Variants in EIF4G1 observed in about 807,000 individuals in gnomAD.
EIF4G1 encodes the protein EIF4-gamma.
In EIF4G1, 4 loss-of-function variants were observed where a neutral mutation model predicts 187.8. The ratio of observed to expected loss-of-function variants is 0.02; its 90% CI spans 0.01 to 0.05. EIF4G1 has a LOEUF of 0.05. EIF4G1 is among the 10% of genes least tolerant of loss of function. The pLI, the probability that EIF4G1 is intolerant of heterozygous loss-of-function variation, is 1.00. For missense variants in EIF4G1, 1,647 were observed against 2,081.1 expected, an observed-to-expected ratio of 0.79 and a Z score of 4.06; for synonymous variants, 844 against 781.4, an observed-to-expected ratio of 1.08 and a Z score of -1.34.
rs1415918083 is a variant in EIF4G1, at chr3:184,317,346, C to T, written c.173C>T (p.Pro58Leu). ...CACTTCTACCCTAGCCGGGCCCAGC[C>T]CCCGAGCAGTGCAGCCTCCCGAGTG... Reference protein sequence around the residue: ...RQHFYPSRAQPPSSAASRVQS... With the variant: ...RQHFYPSRAQLPSSAASRVQS... The change falls in exon 5 of 33, where the codon CCC becomes CTC. Residue 58 changes from proline to leucine, a missense_variant. Around this residue, in one of 11 missense-constraint regions of EIF4G1, gnomAD observed 139 missense variants for 187.3 expected, o/e 0.74. Transcript: ENST00000346169. The T allele has an allele frequency of 6.2e-7, 1 of 1,614,108 alleles. No homozygotes were observed. The highest frequency in any genetic ancestry group is 8.5e-7 in the Non-Finnish European group (1 of 1,180,024).
Position 184,327,693 on chromosome 3 carries a change from A to G in EIF4G1, c.3769A>G (p.Asn1257Asp), listed in dbSNP as rs1035168505. The G allele has an allele frequency of 5.6e-6, 9 of 1,605,480 alleles. No individual in the cohort carries two copies. The highest frequency in any genetic ancestry group is 7.7e-6 in the Non-Finnish European group (9 of 1,172,274). The change falls in exon 25 of 33, where the codon AAT becomes GAT. Residue 1257 changes from asparagine to aspartate, a missense_variant. By Grantham distance (23) the Asn-to-Asp change is conservative. Coordinates refer to ENST00000346169, the MANE Select transcript of EIF4G1 (RefSeq NM_198241.3). ...KAIIEEYLHL[N>D]DMKEAVQCVQ... ...TATCATTGAGGAATATCTCCATCTC[A>G]ATGACATGAAAGTAGGCAGTGGGAG...
At chr3:184,319,625 A>G (rs1368171173) in intron 6 of EIF4G1, 64 bp from the exon 7 acceptor site, 1 of 1,082,670 alleles carries the variant, frequency 9.2e-7, no homozygotes, top group Non-Finnish European at 1.4e-6. Context: ...GGTGTCAGGC[A>G]GGCATTAGTA....
chr3:184,325,743 C>A lies in EIF4G1; in HGVS notation c.3121+104C>A. ...GTGCCACGTGTCTGGGCCACTGAGA[C>A]ACCATGATGGAACTGAGGATCTGAG... On this transcript the variant is annotated intron_variant, in intron 20 of 32. Coordinates refer to ENST00000346169, the MANE Select transcript of EIF4G1 (RefSeq NM_198241.3). This position sits in a 1 kb window ranked among gnomAD's most constrained non-coding sequence, Gnocchi z 5.2. 1 of 1,609,870 alleles carries A rather than the reference C, an allele frequency of 6.2e-7. No individual in the cohort carries two copies. Among genetic ancestry groups the A allele is most frequent in the Non-Finnish European group, 8.5e-7 (1 of 1,176,290 alleles).
intron 7 of EIF4G1, chr3:184,320,342 T>G: frequency 1.5e-6 from 2 of 1,339,736 alleles, no homozygotes; most frequent in Non-Finnish European, 1.9e-6. Flanking sequence ...CCCCAGGGTG[T>G]GCAGCCACTG....
In EIF4G1 at chr3:184,328,717, T is replaced by G. The variant is rs1398957369; in HGVS notation, c.4040T>G (p.Ile1347Ser). ...WLYLAELVTP[I>S]LQEGGVPMGE... The stretch of plus-strand genomic sequence containing the variant: ...TACCTAGCGGAACTGGTAACACCCA[T>G]TCTGCAGGAAGGTGGGGTGCCCATG... Residue 1347 changes from isoleucine (I) to serine (S), a missense_variant, in exon 27 of 33, where the codon ATT becomes AGT. Ile to Ser is a moderately radical substitution (Grantham distance 142). This residue lies in a region of EIF4G1 where 543 missense variants were observed against 638.0 expected (regional missense o/e 0.85). Transcript: ENST00000346169. 3 of 1,614,028 alleles carry G rather than the reference T, an allele frequency of 1.9e-6. No homozygotes were observed. Among genetic ancestry groups the G allele is most frequent in the Non-Finnish European group, 2.5e-6 (3 of 1,180,018 alleles).
At chr3:184,333,298 A>T (rs900374533) in intron 32 of EIF4G1, among the ~76,000 whole-genome samples, 1 of 152,160 alleles carries the variant, frequency 6.6e-6, no homozygotes, top group Non-Finnish European at 1.5e-5. Flanking sequence ...GGGAATCGAG[A>T]TGTCAGCTCA....
chr3:184,332,382 C>T lies in EIF4G1; in HGVS notation c.4618+296C>T, dbSNP rs62287500. 5.1e-4 allele frequency among the ~76,000 whole-genome samples: 77 copies of T among 152,302 alleles called. 1 individual carries two copies. Among genetic ancestry groups the T allele is most frequent in the South Asian group, 1.9e-3 (9 of 4,826 alleles). ...TTCCCAGTACCGTGTGCCCCCACGG[C>T]GTGGCACAGGGCTGAAATGCTTTGC... On this transcript the variant is annotated intron_variant, in intron 32 of 32. Coordinates refer to ENST00000346169, the MANE Select transcript of EIF4G1 (RefSeq NM_198241.3).
chr3:184,329,089 ATGG>A, intron 28 of EIF4G1, 99 bp downstream of exon 28: 1 of 1,398,306 alleles, frequency 7.2e-7, no homozygotes, highest in Middle Eastern at 2.4e-4. Context: ...GAGTGGAGTG[ATGG>A]TGATGACAGG....
intron 26 of EIF4G1, chr3:184,328,427 A>G (rs545891143): frequency 6.5e-6 from 5 of 765,418 alleles, no homozygotes; most frequent in Non-Finnish European, 1.1e-5. Flanking sequence ...TTCCTTGACC[A>G]TCCTGGTCAG....
intron 7 of EIF4G1, 58 bp downstream of exon 7, chr3:184,319,859 C>A: frequency 8.1e-7 from 1 of 1,233,050 alleles, no homozygotes; most frequent in Non-Finnish European, 1.2e-6. Flanking sequence ...AGGTCAGGTG[C>A]TGCTGGGACA....
chr3:184,331,029 C>T (rs911433660), intron 28 of EIF4G1, among the ~76,000 whole-genome samples: 4 of 152,098 alleles, frequency 2.6e-5, no homozygotes, highest in East Asian at 1.9e-4. Context: ...CGTGAGCCAC[C>T]GCCCGCTCCT....
At position 184,322,544 on chromosome 3, in the gene EIF4G1, G is replaced by A. The variant is rs1482201931; in HGVS notation, c.1609G>A (p.Ala537Thr). The A allele has an allele frequency of 6.2e-6, 10 of 1,613,992 alleles. No individual in the cohort carries two copies. Among genetic ancestry groups the A allele is most frequent in the Non-Finnish European group, 7.6e-6 (9 of 1,180,022 alleles). ...VGDLLDAFKE[A>T]NPAVPEVENQ... ...AAAACTGGATGTTCTGTTGTTCTAGGCGAACCCGGCAGTACCAGAGGTGGA... is the reference window on the plus strand; with the variant it reads ...AAAACTGGATGTTCTGTTGTTCTAGACGAACCCGGCAGTACCAGAGGTGGA... Residue 537 changes from alanine to threonine, a missense_variant and splice_region_variant, in exon 12 of 33, where the codon GCG becomes ACG. Around this residue, in one of 11 missense-constraint regions of EIF4G1, gnomAD observed 522 missense variants for 485.2 expected, o/e 1.08. Transcript: ENST00000346169.
Position 184,321,358 on chromosome 3 carries a change from G to A in EIF4G1, c.774G>A (p.Gln258=). ...CAGAGCATAGCCCTTCAGAATCCCAGCCTTCGTCGCCTTCTCCGACCCCAT... is the reference window on the plus strand; with the variant it reads ...CAGAGCATAGCCCTTCAGAATCCCAACCTTCGTCGCCTTCTCCGACCCCAT... The part of the protein sequence containing the change: ...PGPEHSPSES[Q]PSSPSPTPSP... Residue 258 remains glutamine (Q), a synonymous_variant, in exon 10 of 33, where the codon CAG becomes CAA. Coordinates refer to ENST00000346169, the MANE Select transcript of EIF4G1 (RefSeq NM_198241.3). 6.2e-7 allele frequency: 1 copy of A among 1,614,144 alleles called. No homozygotes were observed. Among genetic ancestry groups the A allele is most frequent in the Non-Finnish European group, 8.5e-7 (1 of 1,180,042 alleles).
At position 184,325,996 on chromosome 3, in the gene EIF4G1, C is replaced by G. The variant is rs760076489; in HGVS notation, c.3222+45C>G. Reference sequence around the variant, plus strand: ...TGGGTGATTCAGCTCAGGTTTAGATCTTAGTCCCTTCACTTTTCTAAAGTT... The same window carrying G: ...TGGGTGATTCAGCTCAGGTTTAGATGTTAGTCCCTTCACTTTTCTAAAGTT... On this transcript the variant is annotated intron_variant, in intron 21 of 32. Coordinates refer to ENST00000346169, the MANE Select transcript of EIF4G1 (RefSeq NM_198241.3). This position sits in a 1 kb window ranked among gnomAD's most constrained non-coding sequence, Gnocchi z 5.2. 3 of 1,584,106 alleles carry G rather than the reference C, an allele frequency of 1.9e-6. No individual in the cohort carries two copies. Among genetic ancestry groups the G allele is most frequent in the East Asian group, 4.5e-5 (2 of 44,730 alleles).
rs755924813 is a variant in EIF4G1 at position 184,322,048 on chromosome 3, T to C, written c.1464T>C (p.Ser488=). Residue 488 remains serine, a synonymous_variant, in exon 10 of 33, where the codon AGT becomes AGC. Coordinates refer to ENST00000346169, the MANE Select transcript of EIF4G1 (RefSeq NM_198241.3). ...KGGEELLPPE[S]TPIPANLSQN... is the part of the protein sequence containing the mutation. ...GAGAGGAACTGCTCCCCCCAGAGAG[T>C]ACCCCTATTCCAGCCAACTTGTCTC... 3 of 1,613,800 alleles carry C rather than the reference T, an allele frequency of 1.9e-6. No homozygotes were observed. Among genetic ancestry groups the C allele is most frequent in the Middle Eastern group, 3.3e-4 (2 of 6,062 alleles).
Position 184,322,968 on chromosome 3 carries a change from G to C in EIF4G1, c.1929+14G>C. ...GTGCTGGACAAGGTTAGTGGCTTCA[G>C]TTGGGGAGGGGACGATAAGTTTGTG... On this transcript the variant is annotated intron_variant, in intron 13 of 32. Transcript: ENST00000346169. The C allele has an allele frequency of 6.2e-7, 1 of 1,614,214 alleles. No individual in the cohort carries two copies. Among genetic ancestry groups the C allele is most frequent in the Non-Finnish European group, 8.5e-7 (1 of 1,180,044 alleles).
intron 5 of EIF4G1, 41 bp from the exon 6 acceptor site, chr3:184,317,676 C>T (rs1248713441): frequency 1.9e-6 from 3 of 1,570,802 alleles, no homozygotes; most frequent in Middle Eastern, 1.7e-4. Context: ...GAACTCATAG[C>T]TCCCTCAACT....
Position 184,322,450 on chromosome 3 carries a change from G to A in EIF4G1, c.1608G>A (p.Glu536=), listed in dbSNP as rs749711649. ...AVGDLLDAFK[E]ANPAVPEVEN... ...GAGACCTTCTGGATGCCTTCAAGGA[G>A]GTAAGGGAGCAGAAAATGGGAGGGG... Residue 536 remains glutamate, a splice_region_variant and synonymous_variant, in exon 11 of 33, where the codon GAG becomes GAA. Transcript: ENST00000346169. 5.6e-6 allele frequency: 9 copies of A among 1,614,024 alleles called. No homozygotes were observed. In the Admixed American group the frequency reaches 1.5e-4, roughly 27 times the overall value.
intron 1 of EIF4G1, among the ~76,000 whole-genome samples, chr3:184,314,917 G>C (rs922385553): frequency 1.3e-5 from 2 of 150,856 alleles, no homozygotes; most frequent in Admixed American, 6.6e-5. Context: ...CCGCGGGCTG[G>C]TAGGGCGCCG....
Sources: gnomAD v4.1 joint callset for allele counts (sites outside exome capture counted in the v4.1 genomes callset) on GRCh38, gnomAD v4.1.1 for gene constraint, gnomAD v4.1.1 regional missense constraint, Gnocchi (gnomAD v3.1) non-coding constraint, MANE v1.5 for transcripts, NCBI Gene and HGNC (gene_info 2026-07-23, HGNC 2026-07-21) for gene names.